The following ZC2HC1A variants were observed in gnomAD, a reference collection of about 807,000 sequenced individuals.
ZC2HC1A encodes the protein zinc finger C2HC-type containing 1A, also known as zinc finger C2HC domain-containing protein 1A.
A neutral mutation model predicts 40.7 loss-of-function variants in ZC2HC1A; 28 were observed. The observed-to-expected ratio is 0.69, with a 90% CI of 0.51 to 0.94. The LOEUF is 0.94. Among genes scored for constraint, ZC2HC1A ranks in the 40% least tolerant of loss-of-function variants. The probability of loss-of-function intolerance (pLI) is 0.00; values close to 1 mark genes in which losing one functional copy is unlikely to be tolerated. For synonymous variants in ZC2HC1A, 129 were observed against 129.2 expected (o/e 1.00, Z 0.01); for missense variants, 389 against 386.3 (o/e 1.01, Z -0.06).
chr8:78,705,646 C>G (rs1296934536), intron 7 of ZC2HC1A, among the ~76,000 whole-genome samples: 1 of 152,144 alleles, frequency 6.6e-6, no homozygotes, highest in East Asian at 1.9e-4. Flanking sequence ...TCTGGGTCGG[C>G]ATGGGCTCTC....
intron 3 of ZC2HC1A, among the ~76,000 whole-genome samples, chr8:78,684,449 C>T (rs899237263): frequency 1.7e-4 from 26 of 152,138 alleles, no homozygotes; most frequent in Non-Finnish European, 2.9e-4. Flanking sequence ...AACCTGCCCC[C>T]GTGATTCAAT....
rs780089778 is a variant in ZC2HC1A at position 78,717,723 on chromosome 8, T to C, written c.*230T>C. The stretch of plus-strand genomic sequence containing the variant: ...CCAGACTGTGTCATTCAAGGAAATA[T>C]TCACTTATCTGTCAGAAAATAATTT... On this transcript the variant is annotated 3_prime_UTR_variant, in exon 9 of 9. Coordinates refer to ENST00000263849, the MANE Select transcript of ZC2HC1A (RefSeq NM_016010.3). 1 of 310,176 alleles carries C rather than the reference T, an allele frequency of 3.2e-6. No individual in the cohort carries two copies. The highest frequency in any genetic ancestry group is 5.8e-6 in the Non-Finnish European group (1 of 171,142). The allele number at this position is 310,176 out of a possible 1,614,324, so 19.2% of individuals were successfully genotyped here.
At chr8:78,680,136 T>A (rs751100036) in intron 3 of ZC2HC1A, among the ~76,000 whole-genome samples, 48 of 152,078 alleles carry the variant, frequency 3.2e-4, no homozygotes, top group Non-Finnish European at 6.8e-4. Flanking sequence ...TTGTAGGGAT[T>A]ACATAAGATT....
chr8:78,694,637 T>C (rs1586007696), intron 5 of ZC2HC1A, among the ~76,000 whole-genome samples: 1 of 152,318 alleles, frequency 6.6e-6, no homozygotes, highest in East Asian at 1.9e-4. Flanking sequence ...TATTCTTTCC[T>C]GAGCATTTTT....
At chr8:78,669,947 A>ATTTC (rs1012478234) in intron 1 of ZC2HC1A, among the ~76,000 whole-genome samples, 49 of 142,878 alleles carry the variant, frequency 3.4e-4, no homozygotes, top group African/African-American at 6.9e-4. Context: ...GAATGAATGT[A>ATTTC]TTTCTTTCTT....
chr8:78,691,208 A>G (rs530701514), intron 5 of ZC2HC1A, among the ~76,000 whole-genome samples: 1 of 152,282 alleles, frequency 6.6e-6, no homozygotes, highest in African/African-American at 2.4e-5. Flanking sequence ...TCAATTACTG[A>G]GGGAAATATG....
At chr8:78,717,229 G>T in intron 8 of ZC2HC1A, 99 bp from the exon 9 acceptor site, 1 of 1,067,258 alleles carries the variant, frequency 9.4e-7, no homozygotes, top group Non-Finnish European at 1.3e-6. Context: ...ACGAGATTAA[G>T]CAGGCTAATT....
At chr8:78,684,797 A>G (rs889094474) in intron 3 of ZC2HC1A, among the ~76,000 whole-genome samples, 5 of 152,218 alleles carry the variant, frequency 3.3e-5, no homozygotes, top group Admixed American at 3.3e-4. Flanking sequence ...AATAAGCTTT[A>G]TAATAAAGAT....
rs1286199585 is a variant in ZC2HC1A at position 78,718,486 on chromosome 8, T to TA, written c.*999dup. 6 of 151,964 alleles carry TA rather than the reference T, an allele frequency of 3.9e-5. No individual in the cohort carries two copies. The highest frequency in any genetic ancestry group is 1.4e-4 in the African/African-American group (6 of 41,450). 9.4% of individuals were successfully genotyped at this position (151,964 alleles called of 1,614,324 possible). On this transcript the variant is annotated 3_prime_UTR_variant, in exon 9 of 9. Coordinates refer to ENST00000263849, the MANE Select transcript of ZC2HC1A (RefSeq NM_016010.3). ...TAATCATTAGTGCAGAGCATGCAGA[T>TA]AAAAAATATTTGAATTTTTTTTTCT...
rs142338621 is a variant in ZC2HC1A at position 78,679,934 on chromosome 8, G to A, written c.210+1255G>A. On this transcript the variant is annotated intron_variant, in intron 3 of 8. Coordinates refer to ENST00000263849, the MANE Select transcript of ZC2HC1A (RefSeq NM_016010.3). ...GCCTATATTAGCTTTAATTTGCTTC[G>A]GTAGATAAAATTGCCAAATCTTTGG... Among the ~76,000 whole-genome samples the A allele has an allele frequency of 6.6e-5, 10 of 152,130 alleles. No homozygotes were observed. In the East Asian group the frequency reaches 1.2e-3, roughly 18 times the overall value.
At chr8:78,678,120 G>A (rs1191739215) in intron 2 of ZC2HC1A, among the ~76,000 whole-genome samples, 3 of 152,052 alleles carry the variant, frequency 2.0e-5, no homozygotes, top group Non-Finnish European at 4.4e-5. Context: ...GTTTTTATTA[G>A]AAAGGTCTTT....
chr8:78,682,850 A>C (rs1215847187), intron 3 of ZC2HC1A, among the ~76,000 whole-genome samples: 1 of 152,246 alleles, frequency 6.6e-6, no homozygotes, highest in Non-Finnish European at 1.5e-5. Context: ...CCTAGATACA[A>C]TAGGGATACA....
At chr8:78,676,282 T>C (rs1012508772) in intron 2 of ZC2HC1A, among the ~76,000 whole-genome samples, 4 of 151,876 alleles carry the variant, frequency 2.6e-5, no homozygotes, top group African/African-American at 9.7e-5. Context: ...TGAAGCTGGG[T>C]GATGAGTAGT....
intron 7 of ZC2HC1A, among the ~76,000 whole-genome samples, chr8:78,705,806 C>A (rs1477435325): frequency 6.6e-6 from 1 of 152,080 alleles, no homozygotes; most frequent in Non-Finnish European, 1.5e-5. Flanking sequence ...TTGGGAGGTT[C>A]TTTCCAGTGA....
chr8:78,704,809 T>G (rs1021240926), intron 7 of ZC2HC1A, among the ~76,000 whole-genome samples: 1 of 152,222 alleles, frequency 6.6e-6, no homozygotes, highest in Non-Finnish European at 1.5e-5. Context: ...TCATCCTTTT[T>G]TTCTCTATTC....
chr8:78,675,613 GATAACTAAGT>G lies in ZC2HC1A; in HGVS notation c.17-171_17-162del, dbSNP rs1288260597. 27 of 559,868 alleles carry G rather than the reference GATAACTAAGT, an allele frequency of 4.8e-5. No individual in the cohort carries two copies. In the East Asian group the frequency reaches 6.8e-4, roughly 14 times the overall value. The allele number at this position is 559,868 out of a possible 1,614,324, so 34.7% of individuals were successfully genotyped here. ...ATTTATCCTGACCTTTTTCACCACT[GATAACTAAGT>G]ATTATGCTCCTTTTCATAGATAATT... is the stretch of plus-strand genomic sequence containing the variant. On this transcript the variant is annotated intron_variant, in intron 1 of 8. Coordinates refer to ENST00000263849, the MANE Select transcript of ZC2HC1A (RefSeq NM_016010.3).
intron 5 of ZC2HC1A, among the ~76,000 whole-genome samples, chr8:78,694,279 G>C (rs1810322572): frequency 1.0e-5 from 1 of 97,912 alleles, no homozygotes; most frequent in Non-Finnish European, 2.2e-5. Context: ...GTATGGATAT[G>C]TTCCTTGTTT....
At chr8:78,699,284 A>G (rs1810525664) in intron 7 of ZC2HC1A, among the ~76,000 whole-genome samples, 1 of 152,110 alleles carries the variant, frequency 6.6e-6, no homozygotes, top group Non-Finnish European at 1.5e-5. Context: ...TTATGGGAAA[A>G]ATTGTAACAG....
chr8:78,697,623 T>A, intron 6 of ZC2HC1A, 117 bp downstream of exon 6: 1 of 709,778 alleles, frequency 1.4e-6, no homozygotes, highest in Non-Finnish European at 2.3e-6. Context: ...AGAAGAGATG[T>A]AGAAGTTAAG....
Sources: allele counts gnomAD v4.1 joint callset (sites outside exome capture counted in the v4.1 genomes callset), GRCh38; gene constraint gnomAD v4.1.1; transcripts MANE v1.5; gene names NCBI Gene and HGNC (gene_info 2026-07-23, HGNC 2026-07-21).